DPP6: variants seen among roughly 807,000 people sequenced by gnomAD.
The protein encoded by DPP6 is dipeptidyl peptidase like 6.
Under a neutral mutation model 122.6 loss-of-function variants are expected in DPP6, and 69 were observed. That is an observed-to-expected ratio of 0.56 (90% CI 0.46 to 0.69). DPP6 has a LOEUF of 0.69. DPP6 is among the 30% of genes least tolerant of loss of function. The pLI, the probability that DPP6 is intolerant of heterozygous loss-of-function variation, is 0.00. For synonymous variants in DPP6, 418 were observed against 433.1 expected, an observed-to-expected ratio of 0.97 and a Z score of 0.43; for missense variants, 928 against 1,116.9, an observed-to-expected ratio of 0.83 and a Z score of 2.41.
chr7:153,940,871 C>G (rs569017292), intron 1 of DPP6, among the ~76,000 whole-genome samples: 49 of 152,262 alleles, frequency 3.2e-4, no homozygotes, highest in Non-Finnish European at 6.5e-4. Flanking sequence ...GACAAGGTGT[C>G]TGGCCTTTTC....
intron 16 of DPP6, among the ~76,000 whole-genome samples, chr7:154,840,369 A>G (rs540637867): frequency 6.4e-4 from 98 of 152,308 alleles, no homozygotes; most frequent in African/African-American, 2.3e-3. Flanking sequence ...CTCAGCCTGC[A>G]TGCAGACTGA....
chr7:154,424,560 A>G lies in DPP6; in HGVS notation c.244-21654A>G, dbSNP rs144621383. Reference sequence around the variant, plus strand: ...CTCCCTCCCTCTTCCACATTTAAGTACCCTTATAATTAAAATTGAGCCCAC... The same window carrying G: ...CTCCCTCCCTCTTCCACATTTAAGTGCCCTTATAATTAAAATTGAGCCCAC... On this transcript the variant is annotated intron_variant, in intron 1 of 25. Coordinates refer to ENST00000377770, the MANE Select transcript of DPP6 (RefSeq NM_130797.4). Among the ~76,000 whole-genome samples, 334 of 152,226 alleles carry G rather than the reference A, an allele frequency of 2.2e-3. 1 individual carries two copies. The highest frequency in any genetic ancestry group is 7.6e-3 in the African/African-American group (314 of 41,524).
At chr7:154,032,359 G>A (rs1375011717) in intron 1 of DPP6, among the ~76,000 whole-genome samples, 1 of 152,132 alleles carries the variant, frequency 6.6e-6, no homozygotes, top group African/African-American at 2.4e-5. Context: ...CCTGAATGAA[G>A]GAATGGGAAG....
chr7:154,190,930 A>G (rs955177453), intron 1 of DPP6, among the ~76,000 whole-genome samples: 5 of 152,262 alleles, frequency 3.3e-5, no homozygotes, highest in African/African-American at 1.2e-4. Context: ...CTGTTTTCAA[A>G]GAAAATATTT....
chr7:154,832,205 G>A (rs1800685328), intron 16 of DPP6, among the ~76,000 whole-genome samples: 1 of 152,162 alleles, frequency 6.6e-6, no homozygotes, highest in African/African-American at 2.4e-5. Context: ...GCTTGAGATC[G>A]ATGCTTTTGA....
chr7:154,003,007 C>T (rs549440774), intron 1 of DPP6, among the ~76,000 whole-genome samples: 3 of 151,932 alleles, frequency 2.0e-5, no homozygotes, highest in Non-Finnish European at 2.9e-5. Context: ...AAAACAGGGC[C>T]TTTTGAGGGG....
At chr7:154,695,356 A>G (rs1485881603) in intron 7 of DPP6, among the ~76,000 whole-genome samples, 1 of 152,212 alleles carries the variant, frequency 6.6e-6, no homozygotes, top group Non-Finnish European at 1.5e-5. Flanking sequence ...GAGCTGTGCT[A>G]GTGTGTGTAT....
intron 1 of DPP6, among the ~76,000 whole-genome samples, chr7:154,372,301 C>T (rs6945892): frequency 0.067 from 10,126 of 152,110 alleles, 801 homozygotes; most frequent in African/African-American, 0.19. Context: ...TGAGAGGAAC[C>T]TAGGATGCCT....
At chr7:153,865,921 C>T in the DPP6 span, among the ~76,000 whole-genome samples, 765 of 151,010 alleles carry the variant, frequency 5.1e-3, 8 homozygotes, top group African/African-American at 0.017. Context: ...TTTGTCCTTG[C>T]GATAGTTTGC....
At chr7:154,029,299 G>A (rs1422246741) in intron 1 of DPP6, among the ~76,000 whole-genome samples, 1 of 150,510 alleles carries the variant, frequency 6.6e-6, no homozygotes, top group Non-Finnish European at 1.5e-5. Context: ...GGTGGATCAC[G>A]AGGTCAGGAG....
At chr7:153,895,835 G>A (rs183649451) in intron 1 of DPP6, among the ~76,000 whole-genome samples, 9 of 152,260 alleles carry the variant, frequency 5.9e-5, no homozygotes, top group Admixed American at 5.9e-4. Flanking sequence ...TTGGATAAGA[G>A]CTCCTGTGGG....
chr7:154,616,476 A>G lies in DPP6; in HGVS notation c.628-21345A>G, dbSNP rs77035978. ...TTGAAAGAGGGTAGAATCAAAAACAATACTGAGAGGGGTCTAAAAATGCAA... is the reference window on the plus strand; with the variant it reads ...TTGAAAGAGGGTAGAATCAAAAACAGTACTGAGAGGGGTCTAAAAATGCAA... On this transcript the variant is annotated intron_variant, in intron 5 of 25. Transcript: ENST00000377770. 7.0e-3 allele frequency among the ~76,000 whole-genome samples: 1,058 copies of G among 152,198 alleles called. 9 individuals carry two copies. The highest frequency in any genetic ancestry group is 0.011 in the Non-Finnish European group (732 of 68,004).
intron 16 of DPP6, among the ~76,000 whole-genome samples, chr7:154,811,195 C>A (rs972555426): frequency 8.5e-5 from 13 of 152,172 alleles, no homozygotes; most frequent in African/African-American, 3.1e-4. Flanking sequence ...ACCAAAATCC[C>A]ACTTATAAAA....
Position 154,885,700 on chromosome 7 carries a change from C to T in DPP6, c.2201C>T (p.Thr734Ile), listed in dbSNP as rs1258670051. ...AKGENQGQTF[T>I]CGSALSPITD... ...GGAGAAAATCAAGGCCAGACATTCA[C>T]CTGCGGCTCTGCTCTCTCTCCAATA... Residue 734 changes from threonine to isoleucine, a missense_variant, in exon 22 of 26, where the codon ACC becomes ATC. Physicochemically the swap from Thr to Ile is moderately conservative, Grantham distance 89. Coordinates refer to ENST00000377770, the MANE Select transcript of DPP6 (RefSeq NM_130797.4). The T allele has an allele frequency of 6.3e-7, 1 of 1,599,914 alleles. No individual in the cohort carries two copies. The highest frequency in any genetic ancestry group is 2.3e-5 in the East Asian group (1 of 44,330).
chr7:154,535,491 AACCCATC>A (rs1828171818), intron 3 of DPP6, among the ~76,000 whole-genome samples: 1 of 151,922 alleles, frequency 6.6e-6, no homozygotes, highest in South Asian at 2.1e-4. Context: ...TGCACCCATC[AACCCATC>A]ACCTACATTA....
chr7:154,229,479 G>A (rs1242979383), intron 1 of DPP6, among the ~76,000 whole-genome samples: 1 of 152,112 alleles, frequency 6.6e-6, no homozygotes, highest in African/African-American at 2.4e-5. Flanking sequence ...CTATAGTGTT[G>A]GCTTTTGTTT....
At chr7:154,749,981 G>C (rs1332252500) in intron 8 of DPP6, among the ~76,000 whole-genome samples, 1 of 147,766 alleles carries the variant, frequency 6.8e-6, no homozygotes, top group Non-Finnish European at 1.5e-5. Context: ...TTTACTGAGA[G>C]AGGGTGAGAG....
At chr7:154,232,487 A>G (rs1051523812) in intron 1 of DPP6, among the ~76,000 whole-genome samples, 1 of 152,312 alleles carries the variant, frequency 6.6e-6, no homozygotes, top group African/African-American at 2.4e-5. Context: ...CTGGATTGGA[A>G]TGGTGTTAAG....
intron 1 of DPP6, among the ~76,000 whole-genome samples, chr7:154,332,025 G>A (rs1021428236): frequency 5.9e-5 from 9 of 151,752 alleles, no homozygotes; most frequent in Non-Finnish European, 1.3e-4. Context: ...AGAAATACAG[G>A]ACTCAAAAAT....
Sources: allele counts gnomAD v4.1 joint callset (sites outside exome capture counted in the v4.1 genomes callset), GRCh38; gene constraint gnomAD v4.1.1; transcripts MANE v1.5; gene names NCBI Gene and HGNC (gene_info 2026-07-23, HGNC 2026-07-21).